Variants in DNM1 observed in about 807,000 individuals in gnomAD.
The protein encoded by DNM1 is dynamin-1.
A neutral mutation model predicts 104.6 loss-of-function variants in DNM1; 29 were observed. The observed-to-expected ratio is 0.28, with a 90% CI of 0.21 to 0.38. The LOEUF (loss-of-function observed/expected upper bound fraction) is 0.38. DNM1 is among the 10% of genes least tolerant of loss of function. The pLI, the probability that DNM1 is intolerant of heterozygous loss-of-function variation, is 1.00. For synonymous variants in DNM1, 445 were observed against 475.8 expected (o/e 0.94, Z 0.84); for missense variants, 640 against 1,189.4 (o/e 0.54, Z 6.79).
At position 128,203,552 on chromosome 9, in the gene DNM1, G is replaced by A. The variant is rs762189357; in HGVS notation, c.82G>A (p.Asp28Asn). 4 of 1,549,158 alleles carry A rather than the reference G, an allele frequency of 2.6e-6. No homozygotes were observed. The highest frequency in any genetic ancestry group is 3.5e-6 in the Non-Finnish European group (4 of 1,151,152). ...CTTCTCTGCCATCGGCCAGAACGCG[G>A]ACCTCGACCTGCCGCAGATCGCTGT... ...DAFSAIGQNA[D>N]LDLPQIAVVG... The change falls in exon 1 of 22, where the codon GAC (aspartate) becomes AAC (asparagine). Residue 28 changes from aspartate (D) to asparagine (N), a missense_variant. Asp to Asn is a conservative substitution (Grantham distance 23, BLOSUM62 1). This residue lies in a region of DNM1 where 172 missense variants were observed against 335.3 expected (regional missense o/e 0.51). Transcript: ENST00000372923. This position sits in a 1 kb window ranked among gnomAD's most constrained non-coding sequence, Gnocchi z 5.3.
chr9:128,221,243 C>T (rs1330967159), intron 6 of DNM1: 1 of 152,140 alleles, frequency 6.6e-6, no homozygotes, highest in Non-Finnish European at 1.5e-5. Context: ...GCACACACCA[C>T]CACGCCTGGC....
At chr9:128,230,616 A>T (rs1835626868) in intron 10 of DNM1, among the ~76,000 whole-genome samples, 1 of 151,428 alleles carries the variant, frequency 6.6e-6, no homozygotes, top group Non-Finnish European at 1.5e-5. Flanking sequence ...ACACCCAGCT[A>T]ATTTTTTGTA....
Position 128,248,584 on chromosome 9 carries a change from C to T in DNM1, c.1907C>T (p.Ala636Val). The T allele has an allele frequency of 6.2e-7, 1 of 1,612,900 alleles. No homozygotes were observed. Among genetic ancestry groups the T allele is most frequent in the Non-Finnish European group, 8.5e-7 (1 of 1,179,138 alleles). Reference sequence around the variant, plus strand: ...ATGCCCTTGTGTTCTCCATGGCAGGCCAGCGAGACCGAGGAGAATGGCTCC... The same window carrying T: ...ATGCCCTTGTGTTCTCCATGGCAGGTCAGCGAGACCGAGGAGAATGGCTCC... ...YPERVGDKEK[A>V]SETEENGSDS... Residue 636 changes from alanine to valine, a missense_variant and splice_region_variant, in exon 19 of 22, where the codon GCC becomes GTC. By Grantham distance (64) the Ala-to-Val change is moderately conservative. Around this residue, in one of 7 missense-constraint regions of DNM1, gnomAD observed 91 missense variants for 256.3 expected, o/e 0.36. Coordinates refer to ENST00000372923, the MANE Select transcript of DNM1 (RefSeq NM_004408.4). The surrounding 1 kb of genome is among the most constrained non-coding windows in gnomAD (Gnocchi z 5.6).
At chr9:128,235,051 C>G (rs1835929251) in intron 11 of DNM1, 1 of 152,008 alleles carries the variant, frequency 6.6e-6, no homozygotes, top group Non-Finnish European at 1.5e-5. Flanking sequence ...CCTCGGCCTC[C>G]CAAAGTACTG....
At position 128,247,102 on chromosome 9, in the gene DNM1, T is replaced by C. The variant is rs1836876256; in HGVS notation, c.1782-273T>C. ...GCCCCAAGCTAGAGACTTCACTGAC[T>C]ATGGTTGTCCTCTTGTCAAAGGTCC... On this transcript the variant is annotated intron_variant, in intron 16 of 21. Coordinates refer to ENST00000372923, the MANE Select transcript of DNM1 (RefSeq NM_004408.4). This position sits in a 1 kb window ranked among gnomAD's most constrained non-coding sequence, Gnocchi z 5.1. The C allele has an allele frequency of 9.1e-6, 3 of 330,132 alleles. No individual in the cohort carries two copies. The highest frequency in any genetic ancestry group is 1.2e-4 in the South Asian group (2 of 17,340). 20.5% of individuals were successfully genotyped at this position (330,132 alleles called of 1,614,324 possible). A position where few individuals can be genotyped will look rare whatever the true frequency, so the allele number is the denominator to read the frequency against.
At chr9:128,210,547 G>T (rs1834226563) in intron 1 of DNM1, among the ~76,000 whole-genome samples, 1 of 152,024 alleles carries the variant, frequency 6.6e-6, no homozygotes, top group African/African-American at 2.4e-5. Context: ...ATTTTTAGTA[G>T]AGATGGGGTT....
At chr9:128,242,211 T>A (rs775356181) in intron 14 of DNM1, 21 bp from the exon 15 acceptor site, 2 of 1,432,630 alleles carry the variant, frequency 1.4e-6, no homozygotes, top group Non-Finnish European at 2.0e-6. Flanking sequence ...TCCACTGACC[T>A]CCTGCCCCAT....
At chr9:128,237,330 C>T (rs570961321) in intron 11 of DNM1, among the ~76,000 whole-genome samples, 1 of 151,038 alleles carries the variant, frequency 6.6e-6, no homozygotes, top group Admixed American at 6.6e-5. Context: ...GGCTCAATCT[C>T]GGCTCTCTGC....
At position 128,220,993 on chromosome 9, in the gene DNM1, C is replaced by CCCTT. The variant is rs148599259; in HGVS notation, c.849+673_849+676dup. ...TTTCTTTCTCTTTCTTTCTTTCTTT[C>CCCTT]CCTTCCTTCCTTCCTTCCTTCCTTT... On this transcript the variant is annotated intron_variant, in intron 6 of 21. Transcript: ENST00000372923. The surrounding 1 kb of genome is among the most constrained non-coding windows in gnomAD (Gnocchi z 5.2). 40 of 126,084 alleles carry CCCTT rather than the reference C, an allele frequency of 3.2e-4. No homozygotes were observed. The highest frequency in any genetic ancestry group is 2.4e-3 in the East Asian group (11 of 4,562). The allele number at this position is 126,084 out of a possible 1,614,324, so 7.8% of individuals were successfully genotyped here.
chr9:128,237,164 C>T (rs189379576), intron 11 of DNM1, among the ~76,000 whole-genome samples: 1 of 152,170 alleles, frequency 6.6e-6, no homozygotes, highest in African/African-American at 2.4e-5. Flanking sequence ...AGTCTTTGTC[C>T]CATCTGGAAA....
intron 16 of DNM1, 81 bp downstream of exon 16, chr9:128,246,584 GA>G (rs1836830419): frequency 9.4e-7 from 1 of 1,069,208 alleles, no homozygotes; most frequent in Non-Finnish European, 1.4e-6. Flanking sequence ...GGGATCCAGG[GA>G]GGAGAGGAAC....
Position 128,252,595 on chromosome 9 carries a change from C to T in DNM1, c.2534+1655C>T, listed in dbSNP as rs1471600517. On this transcript the variant is annotated intron_variant, in intron 21 of 21. Coordinates refer to ENST00000372923, the MANE Select transcript of DNM1 (RefSeq NM_004408.4). The stretch of plus-strand genomic sequence containing the variant: ...AGAGCTCTGTGGGCAGGGTGGGGCG[C>T]AAGGTGGAGAACCTTCAAAGTCTGA... The T allele has an allele frequency of 7.7e-6, 3 of 391,736 alleles. No homozygotes were observed. The Admixed American group carries it at 8.8e-5, about 12-fold the overall frequency. 24.3% of individuals were successfully genotyped at this position (391,736 alleles called of 1,614,324 possible).
At chr9:128,246,545 C>G (rs1029068915) in intron 16 of DNM1, 42 bp downstream of exon 16, 1 of 1,472,176 alleles carries the variant, frequency 6.8e-7, no homozygotes, top group Non-Finnish European at 9.5e-7. Flanking sequence ...AGCCCCAAAA[C>G]CACCCTCACT....
chr9:128,231,128 A>G (rs1398415384), intron 10 of DNM1, among the ~76,000 whole-genome samples: 1 of 151,732 alleles, frequency 6.6e-6, no homozygotes, highest in African/African-American at 2.4e-5. Context: ...ATGAGCAGAA[A>G]AAACTGATCA....
chr9:128,242,691 C>T (rs1450904872), intron 15 of DNM1, among the ~76,000 whole-genome samples: 3 of 151,974 alleles, frequency 2.0e-5, no homozygotes, highest in East Asian at 1.9e-4. Flanking sequence ...ACCCGGGAGG[C>T]GGAGGTTGCA....
chr9:128,226,581 GA>G (rs1835355992), intron 10 of DNM1, among the ~76,000 whole-genome samples: 1 of 152,214 alleles, frequency 6.6e-6, no homozygotes, highest in Non-Finnish European at 1.5e-5. Flanking sequence ...AAGAGAAGCA[GA>G]GTGTGATTCA....
In DNM1 at chr9:128,217,713, G is replaced by A. The variant is rs899031954; in HGVS notation, c.162-518G>A. ...ATTACAGGCGTGAGCCACCGCGCCC[G>A]GCCCATGAGTCCTTTTCCTTGCCAC... On this transcript the variant is annotated intron_variant, in intron 1 of 21. Coordinates refer to ENST00000372923, the MANE Select transcript of DNM1 (RefSeq NM_004408.4). Among the ~76,000 whole-genome samples, 15 of 152,268 alleles carry A rather than the reference G, an allele frequency of 9.9e-5. 1 individual carries two copies. In the Middle Eastern group the frequency reaches 0.017, roughly 173 times the overall value.
Position 128,211,472 on chromosome 9 carries a change from CTTTTTTTT to C in DNM1, c.162-6740_162-6733del, listed in dbSNP as rs56712140. On this transcript the variant is annotated intron_variant, in intron 1 of 21. Coordinates refer to ENST00000372923, the MANE Select transcript of DNM1 (RefSeq NM_004408.4). ...ATGCTGTTCTCTCGCCTGGAAGCCT[CTTTTTTTT>C]TTTTTTTTTTTTTTTTTTCTGTACA... is the stretch of plus-strand genomic sequence containing the variant. Among the ~76,000 whole-genome samples, 502 of 78,122 alleles carry C rather than the reference CTTTTTTTT, an allele frequency of 6.4e-3. 20 individuals carry two copies. In the East Asian group the frequency reaches 0.14, roughly 21 times the overall value. 51.3% of individuals were successfully genotyped at this position (78,122 alleles called of 152,430 possible). A position where few individuals can be genotyped will look rare whatever the true frequency, so the allele number is the denominator to read the frequency against.
chr9:128,219,298 G>T, intron 4 of DNM1, 46 bp downstream of exon 4: 1 of 1,536,108 alleles, frequency 6.5e-7, no homozygotes. Context: ...CAGGCTTGCA[G>T]GCTGTCTATT....
Sources: gnomAD v4.1 joint callset for allele counts (sites outside exome capture counted in the v4.1 genomes callset) on GRCh38, gnomAD v4.1.1 for gene constraint, gnomAD v4.1.1 regional missense constraint, Gnocchi (gnomAD v3.1) non-coding constraint, MANE v1.5 for transcripts, NCBI Gene and HGNC (gene_info 2026-07-23, HGNC 2026-07-21) for gene names.